Variants in DSCAML1 observed in about 807,000 individuals in gnomAD.
The protein encoded by DSCAML1 is DS cell adhesion molecule like 1, also known as cell adhesion molecule DSCAML1.
A neutral mutation model predicts 200.5 loss-of-function variants in DSCAML1; 38 were observed. That is an observed-to-expected ratio of 0.19 (90% confidence interval 0.15 to 0.25). The LOEUF (loss-of-function observed/expected upper bound fraction) is 0.25, where lower values mean the gene tolerates loss of function less well. Among genes scored for constraint, DSCAML1 ranks in the 10% least tolerant of loss-of-function variants. DSCAML1 has a pLI of 1.00. For synonymous variants in DSCAML1, 1,215 were observed against 1,165.0 expected (o/e 1.04, Z -0.87); for missense variants, 2,223 against 2,858.8 (o/e 0.78, Z 5.07).
chr11:117,497,016 C>G (rs1336139113), intron 11 of DSCAML1, among the ~76,000 whole-genome samples: 1 of 152,216 alleles, frequency 6.6e-6, no homozygotes, highest in Admixed American at 6.5e-5. Flanking sequence ...TCAGGCTTAT[C>G]TTCATCTTTC....
At chr11:117,689,889 G>A (rs2053466150) in intron 3 of DSCAML1, among the ~76,000 whole-genome samples, 1 of 152,122 alleles carries the variant, frequency 6.6e-6, no homozygotes, top group Admixed American at 6.5e-5. Flanking sequence ...TCTTTGCCAA[G>A]GCCAATAATA....
intron 11 of DSCAML1, among the ~76,000 whole-genome samples, chr11:117,483,845 T>C (rs1300230053): frequency 6.6e-6 from 1 of 152,102 alleles, no homozygotes; most frequent in Admixed American, 6.5e-5. Flanking sequence ...TCCTGGAGTA[T>C]ATAAATGGGG....
rs750213124 is a variant in DSCAML1, at chr11:117,516,648, G to A, written c.1602C>T (p.Tyr534=). 1.3e-5 allele frequency: 21 copies of A among 1,613,988 alleles called. No individual in the cohort carries two copies. In the South Asian group the frequency reaches 2.3e-4, roughly 18 times the overall value. The part of the protein sequence containing the change: ...INCRVIGYPY[Y]SIKWYKDALL... ...GGGCATCCTTGTACCACTTGATGGA[G>A]TAGTAGGGATAGCCGATGACCCTGC... The change falls in exon 8 of 33, where the codon TAC becomes TAT. Residue 534 remains tyrosine (Y), a synonymous_variant. Coordinates refer to ENST00000651296, the MANE Select transcript of DSCAML1 (RefSeq NM_020693.4). This position sits in a 1 kb window ranked among gnomAD's most constrained non-coding sequence, Gnocchi z 5.7.
chr11:117,515,021 C>A (rs577112159), intron 8 of DSCAML1, among the ~76,000 whole-genome samples: 1 of 152,132 alleles, frequency 6.6e-6, no homozygotes, highest in African/African-American at 2.4e-5. Context: ...GCACACAGTG[C>A]GCCTGCCGCA....
chr11:117,798,381 C>CA (rs1294481091), upstream of DSCAML1, among the ~76,000 whole-genome samples: 2 of 152,220 alleles, frequency 1.3e-5, no homozygotes, highest in East Asian at 3.8e-4. Context: ...TGGGACTCCT[C>CA]ACTCCCAGGT....
chr11:117,483,205 A>T (rs770531805), intron 11 of DSCAML1, among the ~76,000 whole-genome samples: 1 of 152,164 alleles, frequency 6.6e-6, no homozygotes, highest in Admixed American at 6.5e-5. Context: ...GCCCAACTCA[A>T]TGAACACACA....
chr11:117,428,723 C>A lies in DSCAML1; in HGVS notation c.5767G>T (p.Val1923Phe). 6.2e-7 allele frequency: 1 copy of A among 1,613,222 alleles called. No homozygotes were observed. Among genetic ancestry groups the A allele is most frequent in the Non-Finnish European group, 8.5e-7 (1 of 1,179,762 alleles). Residue 1923 changes from valine to phenylalanine, a missense_variant, in exon 33 of 33, where the codon GTC (valine) becomes TTC (phenylalanine). Coordinates refer to ENST00000651296, the MANE Select transcript of DSCAML1 (RefSeq NM_020693.4). ...KADGREPCPV[V>F]PPREASIRNL... is the part of the protein sequence containing the mutation. ...CGGATGGAGGCCTCACGGGGTGGGACCACGGGGCAGGGCTCACGTCCATCT... is the reference window on the plus strand; with the variant it reads ...CGGATGGAGGCCTCACGGGGTGGGAACACGGGGCAGGGCTCACGTCCATCT...
rs754705617 is a variant in DSCAML1 at position 117,503,818 on chromosome 11, T to C, written c.2359+27A>G. 51 of 1,605,262 alleles carry C rather than the reference T, an allele frequency of 3.2e-5. No individual in the cohort carries two copies. Among genetic ancestry groups the C allele is most frequent in the Non-Finnish European group, 4.3e-5 (50 of 1,175,562 alleles). ...GGGCTTGGCTGTGATTTGGGGGTGCTAGGGGGCGTGTGGGGACAGGACTCA... is the reference window on the plus strand; with the variant it reads ...GGGCTTGGCTGTGATTTGGGGGTGCCAGGGGGCGTGTGGGGACAGGACTCA... On this transcript the variant is annotated intron_variant, in intron 11 of 32. Transcript: ENST00000651296. This position sits in a 1 kb window ranked among gnomAD's most constrained non-coding sequence, Gnocchi z 5.2.
intron 21 of DSCAML1, among the ~76,000 whole-genome samples, chr11:117,442,370 G>A (rs3863314): frequency 0.3 from 44,982 of 150,630 alleles, 6,776 homozygotes; most frequent in South Asian, 0.35. Flanking sequence ...GCATATATTA[G>A]TGTGTATAGT....
At chr11:117,721,489 C>A (rs1197212104) in intron 3 of DSCAML1, among the ~76,000 whole-genome samples, 2 of 152,064 alleles carry the variant, frequency 1.3e-5, no homozygotes, top group African/African-American at 4.8e-5. Context: ...GGTTCCTGAC[C>A]TCACCCTCCT....
intron 20 of DSCAML1, among the ~76,000 whole-genome samples, chr11:117,447,975 C>T (rs1330065023): frequency 6.6e-6 from 1 of 152,232 alleles, no homozygotes; most frequent in Non-Finnish European, 1.5e-5. Context: ...CAGTTTCCCC[C>T]CAACCTTTGA....
At chr11:117,430,037 C>A (rs1392747923) in intron 32 of DSCAML1, among the ~76,000 whole-genome samples, 1 of 152,228 alleles carries the variant, frequency 6.6e-6, no homozygotes, top group South Asian at 2.1e-4. Context: ...ATTAGCATGG[C>A]CAGTGCTAAG....
chr11:117,480,415 G>A lies in DSCAML1; in HGVS notation c.2785+28C>T, dbSNP rs142401606. The A allele has an allele frequency of 3.9e-5, 63 of 1,611,420 alleles. No homozygotes were observed. The Middle Eastern group carries it at 5.0e-4, about 13-fold the overall frequency. ...GGCACAAGGGGCCATGGCAGGCCAC[G>A]CTGTCACCCTCCTGGCCCAGCGCCT... On this transcript the variant is annotated intron_variant, in intron 14 of 32. Transcript: ENST00000651296. The surrounding 1 kb of genome is among the most constrained non-coding windows in gnomAD (Gnocchi z 4.1).
intron 8 of DSCAML1, among the ~76,000 whole-genome samples, chr11:117,514,917 G>A (rs369184893): frequency 2.4e-4 from 37 of 152,330 alleles, no homozygotes; most frequent in East Asian, 5.8e-4. Flanking sequence ...TTTCTGCCCC[G>A]AAAACTGGGG....
In DSCAML1 at chr11:117,532,540, A is replaced by T; in HGVS notation, c.512-18T>A. On this transcript the variant is annotated intron_variant, in intron 3 of 32. Coordinates refer to ENST00000651296, the MANE Select transcript of DSCAML1 (RefSeq NM_020693.4). ...CCTGTGTTCTGGAGACACAATCAGG[A>T]CATAGTTCGTTACTTCCCGGTTTCG... is the stretch of plus-strand genomic sequence containing the variant. The T allele has an allele frequency of 6.2e-7, 1 of 1,609,086 alleles. No individual in the cohort carries two copies. The highest frequency in any genetic ancestry group is 1.1e-5 in the South Asian group (1 of 90,122).
In DSCAML1 at chr11:117,623,042, G is replaced by A. The variant is rs370993835; in HGVS notation, c.512-90520C>T. On this transcript the variant is annotated intron_variant, in intron 3 of 32. Coordinates refer to ENST00000651296, the MANE Select transcript of DSCAML1 (RefSeq NM_020693.4). The stretch of plus-strand genomic sequence containing the variant: ...TGCTTCTAGCACTTATTAGCTCTAC[G>A]GTCTCAGGCAGGTTATTTAATATCT... Among the ~76,000 whole-genome samples, 8 of 151,896 alleles carry A rather than the reference G, an allele frequency of 5.3e-5. No homozygotes were observed. In the East Asian group the frequency reaches 7.7e-4, roughly 15 times the overall value.
At chr11:117,659,757 C>T (rs1323407874) in intron 3 of DSCAML1, among the ~76,000 whole-genome samples, 2 of 151,862 alleles carry the variant, frequency 1.3e-5, no homozygotes, top group South Asian at 2.1e-4. Context: ...CTCGCTCTGT[C>T]GCCCAGGCTG....
At chr11:117,634,948 C>T (rs1249260826) in intron 3 of DSCAML1, among the ~76,000 whole-genome samples, 1 of 152,230 alleles carries the variant, frequency 6.6e-6, no homozygotes, top group Non-Finnish European at 1.5e-5. Context: ...TGGCGCAGTG[C>T]TGTGGCAAGG....
At chr11:117,659,769 A>G (rs1402644761) in intron 3 of DSCAML1, among the ~76,000 whole-genome samples, 4 of 151,514 alleles carry the variant, frequency 2.6e-5, no homozygotes, top group Non-Finnish European at 4.4e-5. Flanking sequence ...CCCAGGCTGG[A>G]GTGCAGTGGT....
Sources: allele counts gnomAD v4.1 joint callset (sites outside exome capture counted in the v4.1 genomes callset), GRCh38; gene constraint gnomAD v4.1.1; non-coding constraint Gnocchi (gnomAD v3.1); transcripts MANE v1.5; gene names NCBI Gene and HGNC (gene_info 2026-07-23, HGNC 2026-07-21).